Variants in UGT1A10 observed in about 807,000 individuals in gnomAD.
The protein encoded by UGT1A10 is UDP-glucuronosyltransferase 1A10.
Under a neutral mutation model 45.8 loss-of-function variants are expected in UGT1A10, and 49 were observed. The ratio of observed to expected loss-of-function variants is 1.07; its 90% CI spans 0.85 to 1.36. The LOEUF (loss-of-function observed/expected upper bound fraction) is 1.36, where lower values mean the gene tolerates loss of function less well. Ranked by LOEUF, UGT1A10 falls within the 40% of genes most tolerant of loss-of-function variation. The pLI, the probability that UGT1A10 is intolerant of heterozygous loss-of-function variation, is 0.00. For missense variants in UGT1A10, 745 were observed against 668.6 expected (o/e 1.11, Z -1.26); for synonymous variants, 284 against 249.7 (o/e 1.14, Z -1.29).
intron 1 of UGT1A10, chr2:233,648,000 G>A: frequency 1.9e-6 from 3 of 1,606,942 alleles, no homozygotes; most frequent in Non-Finnish European, 2.6e-6. Context: ...GGCATGAGGT[G>A]GTTGTAGTCA....
rs1178608845 is a variant in UGT1A10, at chr2:233,760,418, T to A, written c.856-6616T>A. The A allele has an allele frequency of 8.7e-6, 14 of 1,614,198 alleles. No homozygotes were observed. The highest frequency in any genetic ancestry group is 1.1e-5 in the Non-Finnish European group (13 of 1,180,018). On this transcript the variant is annotated intron_variant, in intron 1 of 4. Transcript: ENST00000344644. ...GATGGCAGCCACTGGCTGAGCATGC[T>A]TGGGGCCATCCAGCAGCTGCAGCAG...
rs1699582839 is a variant in UGT1A10, at chr2:233,768,178, C to CA, written c.1076-41dup. On this transcript the variant is annotated intron_variant, in intron 3 of 4. Transcript: ENST00000344644. ...CCTAGATGTGTCCAGCTGTGAAACTCAGAGATGTAACTGCTGACATCCTCC... is the reference window on the plus strand; with the variant it reads ...CCTAGATGTGTCCAGCTGTGAAACTCAAGAGATGTAACTGCTGACATCCTCC... 5.6e-6 allele frequency: 9 copies of CA among 1,613,764 alleles called. No individual in the cohort carries two copies. In the Admixed American group the frequency reaches 8.3e-5, roughly 15 times the overall value.
intron 1 of UGT1A10, chr2:233,693,115 C>A: frequency 6.2e-7 from 1 of 1,614,176 alleles, no homozygotes; most frequent in Non-Finnish European, 8.5e-7. Flanking sequence ...AGGACGGAAG[C>A]CACTGGCTTA....
intron 1 of UGT1A10, among the ~76,000 whole-genome samples, chr2:233,645,687 T>C (rs1249395314): frequency 6.6e-6 from 1 of 152,224 alleles, no homozygotes; most frequent in Non-Finnish European, 1.5e-5. Context: ...ATCCAGGTCT[T>C]GCTGATGTAA....
intron 1 of UGT1A10, among the ~76,000 whole-genome samples, chr2:233,647,358 C>T (rs2073632033): frequency 1.3e-5 from 2 of 152,160 alleles, no homozygotes; most frequent in South Asian, 4.1e-4. Flanking sequence ...TATCTTGTCA[C>T]ATCTTTATCT....
chr2:233,674,533 G>T (rs1256226097), intron 1 of UGT1A10, among the ~76,000 whole-genome samples: 1 of 152,012 alleles, frequency 6.6e-6, no homozygotes, highest in Admixed American at 6.6e-5. Context: ...TCACCCAGAG[G>T]CCTTTAGAGA....
At chr2:233,644,698 G>C (rs575491822) in intron 1 of UGT1A10, among the ~76,000 whole-genome samples, 4 of 152,308 alleles carry the variant, frequency 2.6e-5, no homozygotes, top group African/African-American at 9.6e-5. Flanking sequence ...TCTCCCACCA[G>C]GGCTCAGGGA....
Position 233,689,914 on chromosome 2 carries a change from T to C in UGT1A10, c.855+52537T>C, listed in dbSNP as rs1281496187. The C allele has an allele frequency of 8.8e-6, 4 of 456,730 alleles. No individual in the cohort carries two copies. The Admixed American group carries it at 9.4e-5, about 11-fold the overall frequency. 28.3% of individuals were successfully genotyped at this position (456,730 alleles called of 1,614,324 possible). A position where few individuals can be genotyped will look rare whatever the true frequency, so the allele number is the denominator to read the frequency against. ...TATTTCTCAGGGCCAGGTAGGTGCC[T>C]GGAATTTCCTTCGAAAGAACCCAAG... On this transcript the variant is annotated intron_variant, in intron 1 of 4. Coordinates refer to ENST00000344644, the MANE Select transcript of UGT1A10 (RefSeq NM_019075.4).
Position 233,672,334 on chromosome 2 carries a change from G to A in UGT1A10, c.855+34957G>A, listed in dbSNP as rs773976582. 6.2e-6 allele frequency: 10 copies of A among 1,614,074 alleles called. No homozygotes were observed. The South Asian group carries it at 1.1e-4, about 18-fold the overall frequency. ...GAGTTTGTTTAAAGACAAAAAATTA[G>A]TAGAATACTTAAAGGAGAGTTCTTT... On this transcript the variant is annotated intron_variant, in intron 1 of 4. Transcript: ENST00000344644.
At chr2:233,639,264 G>C (rs558216006) in intron 1 of UGT1A10, among the ~76,000 whole-genome samples, 33 of 152,212 alleles carry the variant, frequency 2.2e-4, no homozygotes, top group African/African-American at 7.5e-4. Context: ...ATGTATGAAA[G>C]TTTTTATAGT....
At chr2:233,749,352 A>G (rs1249792542) in intron 1 of UGT1A10, among the ~76,000 whole-genome samples, 1 of 151,892 alleles carries the variant, frequency 6.6e-6, no homozygotes, top group Non-Finnish European at 1.5e-5. Context: ...TGGAATTTAA[A>G]TAGTGACTCT....
chr2:233,702,050 A>G (rs1303432202), intron 1 of UGT1A10, among the ~76,000 whole-genome samples: 1 of 152,210 alleles, frequency 6.6e-6, no homozygotes, highest in Admixed American at 6.5e-5. Context: ...AAAATTAACA[A>G]TTCACTAATT....
intron 1 of UGT1A10, among the ~76,000 whole-genome samples, chr2:233,657,354 TG>T (rs2073877589): frequency 6.6e-6 from 1 of 152,140 alleles, no homozygotes; most frequent in Admixed American, 6.5e-5. Context: ...ATAAGAATCA[TG>T]GTACCAACAT....
chr2:233,730,580 A>G (rs954835717), intron 1 of UGT1A10, among the ~76,000 whole-genome samples: 1 of 152,190 alleles, frequency 6.6e-6, no homozygotes, highest in Admixed American at 6.5e-5. Flanking sequence ...TTCAGTTTCC[A>G]GACAGGGATC....
At position 233,719,037 on chromosome 2, in the gene UGT1A10, A is replaced by G. The variant is rs1297848565; in HGVS notation, c.856-47997A>G. ...GGTGAATATGCACATCAAAGAAGAGAAATTTTTCACCCTGACAGCCTATGC... is the reference window on the plus strand; with the variant it reads ...GGTGAATATGCACATCAAAGAAGAGGAATTTTTCACCCTGACAGCCTATGC... On this transcript the variant is annotated intron_variant, in intron 1 of 4. Coordinates refer to ENST00000344644, the MANE Select transcript of UGT1A10 (RefSeq NM_019075.4). The G allele has an allele frequency of 1.1e-5, 18 of 1,614,238 alleles. No individual in the cohort carries two copies. The South Asian group carries it at 2.0e-4, about 18-fold the overall frequency.
chr2:233,639,848 A>ATGTG (rs1218692156), intron 1 of UGT1A10, among the ~76,000 whole-genome samples: 1 of 152,194 alleles, frequency 6.6e-6, no homozygotes, highest in African/African-American at 2.4e-5. Context: ...CAGTATTCTA[A>ATGTG]TGTGTGTGTG....
At chr2:233,643,176 G>A (rs905993420) in intron 1 of UGT1A10, among the ~76,000 whole-genome samples, 1 of 152,222 alleles carries the variant, frequency 6.6e-6, no homozygotes, top group Non-Finnish European at 1.5e-5. Context: ...GTCCAGAAGT[G>A]CCATCTAGGA....
At chr2:233,736,066 G>C (rs879273661) in intron 1 of UGT1A10, among the ~76,000 whole-genome samples, 5 of 152,156 alleles carry the variant, frequency 3.3e-5, no homozygotes, top group Non-Finnish European at 7.3e-5. Flanking sequence ...TGCCTTGCTA[G>C]GTTTGGGAAG....
At chr2:233,743,204 C>T (rs187896113) in intron 1 of UGT1A10, 20 of 388,964 alleles carry the variant, frequency 5.1e-5, no homozygotes, top group East Asian at 2.2e-4. Context: ...GGTGTCAATG[C>T]GGAGTAACTG....
Sources: gnomAD v4.1 joint callset for allele counts (sites outside exome capture counted in the v4.1 genomes callset) on GRCh38, gnomAD v4.1.1 for gene constraint, MANE v1.5 for transcripts, NCBI Gene and HGNC (gene_info 2026-07-23, HGNC 2026-07-21) for gene names.